CARMIL1: variants seen among roughly 807,000 people sequenced by gnomAD.
CARMIL1 encodes the protein F-actin-uncapping protein LRRC16A.
CARMIL1 carries 90 observed loss-of-function variants against 177.1 expected under a neutral mutation model. That is an observed-to-expected ratio of 0.51 (90% CI 0.43 to 0.61). The LOEUF is 0.61. Among genes scored for constraint, CARMIL1 ranks in the 20% least tolerant of loss-of-function variants. The pLI is 0.00. For synonymous variants in CARMIL1, 577 were observed against 606.2 expected (o/e 0.95, Z 0.71); for missense variants, 1,380 against 1,667.0 (o/e 0.83, Z 3.00).
intron 3 of CARMIL1, among the ~76,000 whole-genome samples, chr6:25,425,905 CTG>C (rs1487074321): frequency 2.6e-5 from 4 of 152,074 alleles, no homozygotes; most frequent in African/African-American, 4.8e-5. Flanking sequence ...TCCATTCAAA[CTG>C]TGCATTTTTA....
Position 25,426,548 on chromosome 6 carries a change from C to A in CARMIL1, c.237C>A (p.Ser79Arg). The A allele has an allele frequency of 6.2e-7, 1 of 1,612,078 alleles. No homozygotes were observed. The highest frequency in any genetic ancestry group is 8.5e-7 in the Non-Finnish European group (1 of 1,178,790). Residue 79 changes from serine to arginine, a missense_variant, in exon 4 of 37, where the codon AGC (serine) becomes AGA (arginine). By Grantham distance (110) the Ser-to-Arg change is moderately radical. Transcript: ENST00000329474. ...SYLEIHGVVC[S>R]KSAQMIVETE... is the part of the protein sequence containing the mutation. ...TGGAGATTCATGGCGTCGTTTGCAG[C>A]AAGTCAGCTCAGGTGAGTGTGAAAA...
At chr6:25,295,734 G>A (rs1299119199) in intron 2 of CARMIL1, among the ~76,000 whole-genome samples, 1 of 152,168 alleles carries the variant, frequency 6.6e-6, no homozygotes, top group Non-Finnish European at 1.5e-5. Flanking sequence ...TGGAAGTGTT[G>A]TCTTCTACTA....
At chr6:25,562,543 G>A (rs990201438) in intron 29 of CARMIL1, among the ~76,000 whole-genome samples, 9 of 152,090 alleles carry the variant, frequency 5.9e-5, no homozygotes, top group South Asian at 2.1e-4. Context: ...CACCGCACCC[G>A]GCCAGACATC....
rs146860218 is a variant in CARMIL1, at chr6:25,356,348, C to T, written c.139-63766C>T. Among the ~76,000 whole-genome samples the T allele has an allele frequency of 1.9e-3, 282 of 152,296 alleles. 2 individuals are homozygous for T. The highest frequency in any genetic ancestry group is 2.8e-3 in the Non-Finnish European group (193 of 68,014). On this transcript the variant is annotated intron_variant, in intron 2 of 36. Transcript: ENST00000329474. ...CTGGGATTACAGGCGTGAGCCACCG[C>T]GCCCGGTCCTCCTTCTAAGACTTCT...
At chr6:25,614,534 A>G (rs1485746547) in intron 36 of CARMIL1, among the ~76,000 whole-genome samples, 1 of 152,202 alleles carries the variant, frequency 6.6e-6, no homozygotes, top group Non-Finnish European at 1.5e-5. Context: ...CTGACAAGTT[A>G]TTTTTGAGAA....
chr6:25,458,674 G>A (rs1213695394), intron 8 of CARMIL1, among the ~76,000 whole-genome samples: 1 of 152,014 alleles, frequency 6.6e-6, no homozygotes, highest in Non-Finnish European at 1.5e-5. Flanking sequence ...TTAGTCATTG[G>A]TGAGATGACA....
chr6:25,600,784 G>C (rs755748782), intron 33 of CARMIL1, 38 bp downstream of exon 33: 11 of 1,424,476 alleles, frequency 7.7e-6, no homozygotes, highest in Non-Finnish European at 1.0e-5. Flanking sequence ...TCATTTATTT[G>C]ATATATAATA....
intron 2 of CARMIL1, among the ~76,000 whole-genome samples, chr6:25,408,246 C>T (rs1428135620): frequency 6.7e-6 from 1 of 148,436 alleles, no homozygotes. Context: ...CGAGATTGCA[C>T]CACTGCACTC....
rs1490668804 is a variant in CARMIL1, at chr6:25,600,483, G to A, written c.3289G>A (p.Gly1097Arg). The A allele has an allele frequency of 6.2e-7, 1 of 1,614,040 alleles. No individual in the cohort carries two copies. Among genetic ancestry groups the A allele is most frequent in the Non-Finnish European group, 8.5e-7 (1 of 1,179,900 alleles). Residue 1097 changes from glycine (G) to arginine (R), a missense_variant, in exon 33 of 37, where the codon GGG (glycine) becomes AGG (arginine). By Grantham distance (125) the Gly-to-Arg change is moderately radical. Transcript: ENST00000329474. ...LMTEEPSSPK[G>R]AVRSPPVDCP... ...GACAGAAGAACCCTCCTCACCAAAA[G>A]GGGCAGTCAGAAGTCCACCTGTGGA...
intron 2 of CARMIL1, among the ~76,000 whole-genome samples, chr6:25,384,015 T>C (rs1305178773): frequency 1.3e-5 from 2 of 152,104 alleles, no homozygotes; most frequent in Non-Finnish European, 2.9e-5. Context: ...AATTTTTGTA[T>C]TTTTAGTAGA....
At chr6:25,461,944 T>G (rs1422328789) in intron 8 of CARMIL1, among the ~76,000 whole-genome samples, 2 of 152,220 alleles carry the variant, frequency 1.3e-5, no homozygotes, top group Non-Finnish European at 2.9e-5. Flanking sequence ...GTGAGCATCC[T>G]TTCATGTGCT....
At chr6:25,450,175 C>T (rs1798650101) in intron 6 of CARMIL1, among the ~76,000 whole-genome samples, 164 bp from the exon 7 acceptor site, 1 of 152,218 alleles carries the variant, frequency 6.6e-6, no homozygotes, top group African/African-American at 2.4e-5. Context: ...TTGCATCCTG[C>T]TATGTACTTA....
chr6:25,468,643 C>T (rs1425684473), intron 9 of CARMIL1, among the ~76,000 whole-genome samples: 1 of 152,160 alleles, frequency 6.6e-6, no homozygotes, highest in Non-Finnish European at 1.5e-5. Flanking sequence ...GAGTGTGTCT[C>T]CCTTTAAAAG....
In CARMIL1 at chr6:25,554,583, A is replaced by AG. The variant is rs1324277497; in HGVS notation, c.2592+487_2592+488insG. Among the ~76,000 whole-genome samples the AG allele has an allele frequency of 8.5e-5, 13 of 152,176 alleles. No individual in the cohort carries two copies. Among genetic ancestry groups the AG allele is most frequent in the African/African-American group, 2.9e-4 (12 of 41,444 alleles). On this transcript the variant is annotated intron_variant, in intron 28 of 36. Coordinates refer to ENST00000329474, the MANE Select transcript of CARMIL1 (RefSeq NM_017640.6). This position sits in a 1 kb window ranked among gnomAD's most constrained non-coding sequence, Gnocchi z 4.6. The stretch of plus-strand genomic sequence containing the variant: ...GTGCCTTGGATATAACCAAGGTAAA[A>AG]AAAAAATTTCTTCATCTAGAGACTG...
At chr6:25,538,032 T>C (rs896345615) in intron 25 of CARMIL1, 49 bp downstream of exon 25, 10 of 1,515,450 alleles carry the variant, frequency 6.6e-6, no homozygotes, top group Admixed American at 2.3e-5. Flanking sequence ...TAAAAACGTT[T>C]CATAAAATTT....
chr6:25,348,172 C>T (rs556768257), intron 2 of CARMIL1, among the ~76,000 whole-genome samples: 7 of 152,164 alleles, frequency 4.6e-5, no homozygotes, highest in Admixed American at 4.6e-4. Context: ...TGGAGTCTCA[C>T]TCTAGGGTGG....
intron 24 of CARMIL1, among the ~76,000 whole-genome samples, chr6:25,535,429 T>G (rs966743884): frequency 6.6e-6 from 1 of 152,182 alleles, no homozygotes; most frequent in African/African-American, 2.4e-5. Context: ...GGGGAAGATA[T>G]GGGACCTGCA....
At chr6:25,575,507 T>C (rs1240831261) in intron 29 of CARMIL1, among the ~76,000 whole-genome samples, 1 of 152,206 alleles carries the variant, frequency 6.6e-6, no homozygotes, top group Non-Finnish European at 1.5e-5. Context: ...CCATCAGCTG[T>C]AACTCTTTTA....
At chr6:25,388,750 G>A (rs1446442945) in intron 2 of CARMIL1, among the ~76,000 whole-genome samples, 1 of 152,032 alleles carries the variant, frequency 6.6e-6, no homozygotes, top group African/African-American at 2.4e-5. Flanking sequence ...GCTCACTGCA[G>A]CCTGCAACTC....
Sources: allele counts gnomAD v4.1 joint callset (sites outside exome capture counted in the v4.1 genomes callset), GRCh38; gene constraint gnomAD v4.1.1; non-coding constraint Gnocchi (gnomAD v3.1); transcripts MANE v1.5; gene names NCBI Gene and HGNC (gene_info 2026-07-23, HGNC 2026-07-21).